The following UGT2A2 variants were observed in gnomAD, a reference collection of about 807,000 sequenced individuals.
The protein encoded by UGT2A2 is UDP-glucuronosyltransferase 2A2.
In UGT2A2, 60 loss-of-function variants were observed where a neutral mutation model predicts 50.7. That is an observed-to-expected ratio of 1.18 (90% CI 0.96 to 1.47). The LOEUF (loss-of-function observed/expected upper bound fraction) is 1.47, where lower values mean the gene tolerates loss of function less well. Among genes scored for constraint, UGT2A2 ranks in the 40% most tolerant of loss-of-function variants. UGT2A2 has a pLI of 0.00. For missense variants in UGT2A2, 762 were observed against 634.0 expected (o/e 1.20, Z -2.17); for synonymous variants, 242 against 214.6 (o/e 1.13, Z -1.11).
intron 1 of UGT2A2, among the ~76,000 whole-genome samples, chr4:69,609,248 G>A (rs1719882517): frequency 6.6e-6 from 1 of 151,210 alleles, no homozygotes; most frequent in East Asian, 1.9e-4. Context: ...GACCTTATGA[G>A]CCCAAGAAAT....
At chr4:69,627,192 C>A (rs1210339427) in intron 1 of UGT2A2, among the ~76,000 whole-genome samples, 2 of 151,576 alleles carry the variant, frequency 1.3e-5, no homozygotes, top group East Asian at 3.9e-4. Flanking sequence ...AAATCCTTTG[C>A]CACAATAACA....
rs765280499 is a variant in UGT2A2 at position 69,639,103 on chromosome 4, A to T, written c.538T>A (p.Leu180Met). The change falls in exon 1 of 6, where the codon TTG (leucine) becomes ATG (methionine). Residue 180 changes from leucine to methionine, a missense_variant. Coordinates refer to ENST00000604629, the MANE Select transcript of UGT2A2 (RefSeq NM_001105677.2). ...LKLGIPFMYT[L>M]RFSPASTVER... ...ACTGTTGATGCTGGAGAGAACCTCAATGTGTACATAAATGGAATTCCTAAT... is the reference window on the plus strand; with the variant it reads ...ACTGTTGATGCTGGAGAGAACCTCATTGTGTACATAAATGGAATTCCTAAT... 3.7e-6 allele frequency: 6 copies of T among 1,613,560 alleles called. No homozygotes were observed. The highest frequency in any genetic ancestry group is 5.1e-6 in the Non-Finnish European group (6 of 1,179,716).
chr4:69,621,544 T>A (rs1429690750), intron 1 of UGT2A2, among the ~76,000 whole-genome samples: 1 of 151,666 alleles, frequency 6.6e-6, no homozygotes, highest in Admixed American at 6.6e-5. Context: ...CAGCTATAAA[T>A]GGTTGGTAGA....
At chr4:69,602,216 A>AAACTC (rs10682826) in intron 1 of UGT2A2, among the ~76,000 whole-genome samples, 24,820 of 135,738 alleles carry the variant, frequency 0.18, 5,968 homozygotes, top group Non-Finnish European at 0.22. Flanking sequence ...CAAGCAATAA[A>AAACTC]AACAGTTGTT....
intron 2 of UGT2A2, 39 bp downstream of exon 2, chr4:69,599,207 T>A: frequency 6.4e-7 from 1 of 1,571,966 alleles, no homozygotes; most frequent in Non-Finnish European, 8.6e-7. Flanking sequence ...AAGTATTTTA[T>A]TATGAAGAGC....
At chr4:69,637,509 A>C (rs1267651176) in intron 1 of UGT2A2, among the ~76,000 whole-genome samples, 1 of 151,986 alleles carries the variant, frequency 6.6e-6, no homozygotes, top group Non-Finnish European at 1.5e-5. Flanking sequence ...GTTCTTACCT[A>C]CTCCTAAAAG....
At chr4:69,589,942 C>T (rs553370248) in intron 5 of UGT2A2, among the ~76,000 whole-genome samples, 2 of 152,224 alleles carry the variant, frequency 1.3e-5, no homozygotes, top group South Asian at 2.1e-4. Context: ...AATTTTGATA[C>T]TGTGTGAGCT....
chr4:69,597,772 T>C lies in UGT2A2; in HGVS notation c.892-1391A>G, dbSNP rs562842605. On this transcript the variant is annotated intron_variant, in intron 2 of 5. Transcript: ENST00000604629. ...TACACACAAACGTACACATCTATCATACTGATATGGATTTTTCATTTGACA... is the reference window on the plus strand; with the variant it reads ...TACACACAAACGTACACATCTATCACACTGATATGGATTTTTCATTTGACA... 1.9e-4 allele frequency among the ~76,000 whole-genome samples: 29 copies of C among 151,938 alleles called. 1 individual carries two copies. The highest frequency in any genetic ancestry group is 2.8e-4 in the Non-Finnish European group (19 of 67,918).
At chr4:69,601,687 A>T (rs1011715329) in intron 1 of UGT2A2, among the ~76,000 whole-genome samples, 10 of 151,988 alleles carry the variant, frequency 6.6e-5, no homozygotes, top group African/African-American at 2.4e-4. Context: ...ATAACCAAGG[A>T]ATCTCACAAA....
rs183834488 is a variant in UGT2A2 at position 69,636,375 on chromosome 4, G to A, written c.742+2524C>T. Among the ~76,000 whole-genome samples the A allele has an allele frequency of 7.8e-4, 119 of 152,158 alleles. 1 individual carries two copies. Among genetic ancestry groups the A allele is most frequent in the African/African-American group, 2.8e-3 (117 of 41,532 alleles). The stretch of plus-strand genomic sequence containing the variant: ...GATGGCAAACAAAATACAAAATGGG[G>A]TTTTACCAGTTCTTCACAGTATACC... On this transcript the variant is annotated intron_variant, in intron 1 of 5. Coordinates refer to ENST00000604629, the MANE Select transcript of UGT2A2 (RefSeq NM_001105677.2).
At chr4:69,623,713 A>C (rs1720883456) in intron 1 of UGT2A2, among the ~76,000 whole-genome samples, 1 of 151,332 alleles carries the variant, frequency 6.6e-6, no homozygotes, top group Non-Finnish European at 1.5e-5. Flanking sequence ...ATATATTAGG[A>C]TTCATCTCAA....
Position 69,604,067 on chromosome 4 carries a change from C to T in UGT2A2, c.743-4673G>A, listed in dbSNP as rs549479416. On this transcript the variant is annotated intron_variant, in intron 1 of 5. Coordinates refer to ENST00000604629, the MANE Select transcript of UGT2A2 (RefSeq NM_001105677.2). ...GTTCAAACTCAGGAAATACAGAGAA[C>T]GCCACAAAGATACTCCTCGAGAAGA... is the stretch of plus-strand genomic sequence containing the variant. Among the ~76,000 whole-genome samples, 11 of 135,902 alleles carry T rather than the reference C, an allele frequency of 8.1e-5. 1 individual carries two copies. In the South Asian group the frequency reaches 1.5e-3, roughly 18 times the overall value. 89.2% of individuals were successfully genotyped at this position (135,902 alleles called of 152,430 possible).
intron 1 of UGT2A2, among the ~76,000 whole-genome samples, chr4:69,617,496 A>G (rs1246701268): frequency 2.0e-5 from 3 of 151,956 alleles, no homozygotes; most frequent in African/African-American, 4.8e-5. Flanking sequence ...CAAAACCAAG[A>G]TGAACACACA....
At chr4:69,600,303 C>A (rs111620988) in intron 1 of UGT2A2, among the ~76,000 whole-genome samples, 278 of 152,286 alleles carry the variant, frequency 1.8e-3, no homozygotes, top group African/African-American at 6.4e-3. Flanking sequence ...TGTGTGCACT[C>A]CCAGACTCCA....
At chr4:69,630,351 T>C (rs1025127115) in intron 1 of UGT2A2, among the ~76,000 whole-genome samples, 1 of 152,052 alleles carries the variant, frequency 6.6e-6, no homozygotes, top group Non-Finnish European at 1.5e-5. Context: ...CTTTACTCTT[T>C]ATAACTCCCC....
intron 1 of UGT2A2, among the ~76,000 whole-genome samples, chr4:69,607,326 C>T: frequency 6.6e-6 from 1 of 151,340 alleles, no homozygotes; most frequent in African/African-American, 2.4e-5. Context: ...GGAAATGATT[C>T]CCTATTTAAT....
intron 1 of UGT2A2, among the ~76,000 whole-genome samples, chr4:69,610,780 G>A (rs939098646): frequency 6.6e-6 from 1 of 152,096 alleles, no homozygotes; most frequent in African/African-American, 2.4e-5. Flanking sequence ...AAACAGACCT[G>A]GCAAACCCTG....
chr4:69,612,635 TC>T (rs1275707061), intron 1 of UGT2A2, among the ~76,000 whole-genome samples: 1 of 151,866 alleles, frequency 6.6e-6, no homozygotes, highest in Non-Finnish European at 1.5e-5. Flanking sequence ...GGGAAACCAC[TC>T]CCTATTCAAT....
intron 1 of UGT2A2, among the ~76,000 whole-genome samples, chr4:69,612,260 T>C (rs1467011299): frequency 1.3e-5 from 2 of 151,994 alleles, no homozygotes; most frequent in South Asian, 2.1e-4. Context: ...TTATTCCATA[T>C]ACTATCGTGA....
Sources: allele counts gnomAD v4.1 joint callset (sites outside exome capture counted in the v4.1 genomes callset), GRCh38; gene constraint gnomAD v4.1.1; transcripts MANE v1.5; gene names NCBI Gene and HGNC (gene_info 2026-07-23, HGNC 2026-07-21).